The following PHACTR3 variants were observed in gnomAD, a reference collection of about 807,000 sequenced individuals.
PHACTR3 encodes phosphatase and actin regulator 3, also known as protein phosphatase 1, regulatory subunit 123.
Under a neutral mutation model 66.8 loss-of-function variants are expected in PHACTR3, and 16 were observed. The observed-to-expected ratio is 0.24, with a 90% CI of 0.16 to 0.36. The LOEUF (loss-of-function observed/expected upper bound fraction) is 0.36, where lower values mean the gene tolerates loss of function less well. Among genes scored for constraint, PHACTR3 ranks in the 10% least tolerant of loss-of-function variants. The pLI, the probability that PHACTR3 is intolerant of heterozygous loss-of-function variation, is 1.00. For missense variants in PHACTR3, 647 were observed against 719.9 expected (o/e 0.90, Z 1.16); for synonymous variants, 323 against 292.1 (o/e 1.11, Z -1.08).
upstream of PHACTR3, among the ~76,000 whole-genome samples, chr20:59,600,799 G>A (rs1021761623): frequency 2.0e-5 from 3 of 152,148 alleles, no homozygotes; most frequent in African/African-American, 7.2e-5. Context: ...GAGATCAAGG[G>A]GCAGAAGGGG....
chr20:59,747,522 C>G (rs903979874), intron 2 of PHACTR3, among the ~76,000 whole-genome samples: 1 of 152,210 alleles, frequency 6.6e-6, no homozygotes, highest in South Asian at 2.1e-4. Context: ...CAGAAATGAT[C>G]GCTGTAGAAT....
At chr20:59,808,820 G>A (rs1473021272) in intron 8 of PHACTR3, among the ~76,000 whole-genome samples, 1 of 152,196 alleles carries the variant, frequency 6.6e-6, no homozygotes, top group Non-Finnish European at 1.5e-5. Context: ...TCTACAGCAG[G>A]GTCCCCAGCC....
intron 1 of PHACTR3, among the ~76,000 whole-genome samples, chr20:59,723,694 CAT>C (rs1051789059): frequency 1.3e-5 from 2 of 151,916 alleles, no homozygotes; most frequent in African/African-American, 4.8e-5. Flanking sequence ...GTGACTCGGT[CAT>C]TGGGGTCTAC....
chr20:59,714,563 A>T (rs1483355292), intron 1 of PHACTR3, among the ~76,000 whole-genome samples: 1 of 152,202 alleles, frequency 6.6e-6, no homozygotes, highest in African/African-American at 2.4e-5. Flanking sequence ...TTCCAATAGC[A>T]CATCATCATA....
At chr20:59,628,604 T>C (rs2034548973) in intron 1 of PHACTR3, 15 of 985,150 alleles carry the variant, frequency 1.5e-5, no homozygotes, top group African/African-American at 1.7e-5. Context: ...TTTGACAAAA[T>C]TCACAAAAAC....
chr20:59,773,477 G>A (rs745822371), intron 6 of PHACTR3, 24 bp downstream of exon 6: 6 of 1,571,618 alleles, frequency 3.8e-6, no homozygotes, highest in Non-Finnish European at 5.2e-6. Flanking sequence ...CCATGAGGGA[G>A]ACCTGTGCTG....
intron 1 of PHACTR3, among the ~76,000 whole-genome samples, chr20:59,657,848 C>T (rs534433986): frequency 1.3e-4 from 20 of 152,036 alleles, no homozygotes; most frequent in Middle Eastern, 3.4e-3. Flanking sequence ...AGGGTTTTTT[C>T]GCACTAAATT....
At chr20:59,716,573 C>T (rs2038099787) in intron 1 of PHACTR3, among the ~76,000 whole-genome samples, 1 of 152,114 alleles carries the variant, frequency 6.6e-6, no homozygotes, top group South Asian at 2.1e-4. Flanking sequence ...GAGTCCTGCT[C>T]ATTATTAATG....
intron 1 of PHACTR3, among the ~76,000 whole-genome samples, chr20:59,658,626 C>T (rs1171594847): frequency 6.6e-6 from 1 of 152,148 alleles, no homozygotes; most frequent in Non-Finnish European, 1.5e-5. Context: ...TTTGACTTCT[C>T]TCTTCTGCCT....
intron 1 of PHACTR3, among the ~76,000 whole-genome samples, chr20:59,691,559 T>C (rs1409374146): frequency 3.3e-5 from 5 of 152,200 alleles, no homozygotes; most frequent in Non-Finnish European, 5.9e-5. Flanking sequence ...ATTATCACTA[T>C]ATTATATGTT....
At chr20:59,609,160 G>T (rs1013857117) in intron 1 of PHACTR3, among the ~76,000 whole-genome samples, 2 of 152,198 alleles carry the variant, frequency 1.3e-5, no homozygotes, top group African/African-American at 2.4e-5. Flanking sequence ...CCGGGTCCAG[G>T]TCTGCTTTAC....
chr20:59,586,314 C>T (rs1228903202), intron 1 of PHACTR3, among the ~76,000 whole-genome samples: 1 of 152,354 alleles, frequency 6.6e-6, no homozygotes, highest in East Asian at 1.9e-4. Flanking sequence ...TGTCTCTCCA[C>T]TTACGAGTGT....
chr20:59,808,859 C>T (rs1009329273), intron 8 of PHACTR3, among the ~76,000 whole-genome samples: 4 of 152,178 alleles, frequency 2.6e-5, no homozygotes, highest in Admixed American at 1.3e-4. Flanking sequence ...GGGCCCAGAT[C>T]GTTCTCCGTG....
At chr20:59,782,448 C>T (rs1345990711) in intron 7 of PHACTR3, among the ~76,000 whole-genome samples, 3 of 152,112 alleles carry the variant, frequency 2.0e-5, no homozygotes, top group East Asian at 1.9e-4. Flanking sequence ...GGCAGAGTTT[C>T]ACCATGTTGG....
At chr20:59,754,455 G>C (rs1472198351) in intron 3 of PHACTR3, among the ~76,000 whole-genome samples, 2 of 152,226 alleles carry the variant, frequency 1.3e-5, no homozygotes, top group Non-Finnish European at 2.9e-5. Context: ...GGCTTCCTCA[G>C]AGTGTGAGAC....
intron 1 of PHACTR3, among the ~76,000 whole-genome samples, chr20:59,580,512 C>T (rs943789400): frequency 2.0e-5 from 3 of 151,756 alleles, no homozygotes; most frequent in Non-Finnish European, 2.9e-5. Context: ...TTCCAGACTT[C>T]GAAGTCTGAT....
In PHACTR3 at chr20:59,688,730, C is replaced by T. The variant is rs1193148557; in HGVS notation, c.119-54377C>T. ...TACATTTTTGTAAGCTGTGTTACAT[C>T]GTTGTTTGGAACACAGTGGGGGTAA... On this transcript the variant is annotated intron_variant, in intron 1 of 12. Coordinates refer to ENST00000371015, the MANE Select transcript of PHACTR3 (RefSeq NM_080672.5). Among the ~76,000 whole-genome samples the T allele has an allele frequency of 2.0e-5, 3 of 151,666 alleles. No individual in the cohort carries two copies. The East Asian group carries it at 5.8e-4, about 29-fold the overall frequency.
At chr20:59,840,763 C>G (rs1254806186) in intron 10 of PHACTR3, among the ~76,000 whole-genome samples, 3 of 152,208 alleles carry the variant, frequency 2.0e-5, no homozygotes, top group African/African-American at 7.2e-5. Flanking sequence ...ACCTGGGTAT[C>G]AGTGTTTTAG....
intron 2 of PHACTR3, among the ~76,000 whole-genome samples, chr20:59,744,344 C>T (rs768667590): frequency 8.5e-5 from 13 of 152,278 alleles, no homozygotes; most frequent in South Asian, 4.1e-4. Flanking sequence ...GAAGAGAGCC[C>T]GGAGGAGGCC....
Sources: allele counts gnomAD v4.1 joint callset (sites outside exome capture counted in the v4.1 genomes callset), GRCh38; gene constraint gnomAD v4.1.1; transcripts MANE v1.5; gene names NCBI Gene and HGNC (gene_info 2026-07-23, HGNC 2026-07-21).